BMP5: variants seen among roughly 807,000 people sequenced by gnomAD.
BMP5 encodes bone morphogenetic protein 5.
Under a neutral mutation model 46.6 loss-of-function variants are expected in BMP5, and 23 were observed. That is an observed-to-expected ratio of 0.49 (90% CI 0.35 to 0.70). The LOEUF (loss-of-function observed/expected upper bound fraction) is 0.70. Ranked by LOEUF, BMP5 falls within the 30% of genes least tolerant of loss-of-function variation. BMP5 has a pLI of 0.00. For missense variants in BMP5, 545 were observed against 565.6 expected (o/e 0.96, Z 0.37); for synonymous variants, 204 against 191.9 (o/e 1.06, Z -0.52).
At chr6:55,773,958 A>G (rs1279942444) in intron 4 of BMP5, 91 bp downstream of exon 4, 1 of 1,359,662 alleles carries the variant, frequency 7.4e-7, no homozygotes, top group Non-Finnish European at 1.1e-6. Context: ...CCGAAGGTAT[A>G]CATAGAGGGT....
intron 1 of BMP5, among the ~76,000 whole-genome samples, chr6:55,867,616 G>A (rs558616678): frequency 1.3e-5 from 2 of 152,214 alleles, no homozygotes; most frequent in South Asian, 4.2e-4. Flanking sequence ...GACCTGCGCA[G>A]TTGCACAGGG....
intron 4 of BMP5, 88 bp downstream of exon 4, chr6:55,773,961 T>C (rs1237804986): frequency 5.7e-6 from 8 of 1,402,728 alleles, no homozygotes; most frequent in African/African-American, 4.3e-5. Flanking sequence ...AAGGTATACA[T>C]AGAGGGTAAA....
intron 1 of BMP5, among the ~76,000 whole-genome samples, chr6:55,824,453 C>A (rs949467381): frequency 1.3e-5 from 2 of 151,870 alleles, no homozygotes; most frequent in Non-Finnish European, 2.9e-5. Context: ...CACAAGACTC[C>A]ATAAAAGCCC....
intron 1 of BMP5, among the ~76,000 whole-genome samples, chr6:55,820,424 T>G (rs1776379567): frequency 1.2e-5 from 1 of 86,452 alleles, no homozygotes; most frequent in Non-Finnish European, 2.7e-5. Context: ...CTTAAAAACA[T>G]TTTTTTTTTC....
intron 4 of BMP5, among the ~76,000 whole-genome samples, chr6:55,764,683 G>C (rs998063351): frequency 1.3e-5 from 2 of 148,210 alleles, no homozygotes; most frequent in Non-Finnish European, 3.0e-5. Flanking sequence ...GGCACAGAGA[G>C]ACAAATAACC....
intron 3 of BMP5, among the ~76,000 whole-genome samples, chr6:55,780,456 T>TAAAAAAA (rs369703099): frequency 0.01 from 642 of 61,804 alleles, 34 homozygotes; most frequent in African/African-American, 0.048. Flanking sequence ...CCATCACTAC[T>TAAAAAAA]AAAAAAAAAA....
intron 6 of BMP5, among the ~76,000 whole-genome samples, chr6:55,756,152 C>T (rs1256661667): frequency 6.6e-6 from 1 of 151,900 alleles, no homozygotes; most frequent in Non-Finnish European, 1.5e-5. Flanking sequence ...TAAGCCAACT[C>T]TTAATTTTCC....
At chr6:55,865,121 TA>T (rs1266852236) in intron 1 of BMP5, among the ~76,000 whole-genome samples, 2 of 152,170 alleles carry the variant, frequency 1.3e-5, no homozygotes, top group Admixed American at 6.6e-5. Flanking sequence ...GCTTAGAGTT[TA>T]AAAGTTTATA....
intron 3 of BMP5, among the ~76,000 whole-genome samples, chr6:55,776,003 A>C (rs1237652527): frequency 1.3e-5 from 2 of 151,872 alleles, no homozygotes; most frequent in African/African-American, 4.8e-5. Flanking sequence ...AAGTTGTCCA[A>C]TTCCTACAAG....
At chr6:55,874,167 TAA>T (rs1239761195) in intron 1 of BMP5, among the ~76,000 whole-genome samples, 2 of 152,022 alleles carry the variant, frequency 1.3e-5, no homozygotes, top group African/African-American at 4.8e-5. Flanking sequence ...ACCCACACTA[TAA>T]GTGTTTAAAT....
At chr6:55,804,023 C>T (rs1030568452) in intron 2 of BMP5, among the ~76,000 whole-genome samples, 8 of 152,180 alleles carry the variant, frequency 5.3e-5, no homozygotes, top group Non-Finnish European at 7.4e-5. Context: ...AGTCAAATCC[C>T]TATAATAAAT....
intron 1 of BMP5, among the ~76,000 whole-genome samples, chr6:55,827,470 A>G (rs1776560151): frequency 6.6e-6 from 1 of 151,744 alleles, no homozygotes; most frequent in Admixed American, 6.6e-5. Context: ...TTGTTTATAT[A>G]TTGGTGGAAC....
rs1000781110 is a variant in BMP5 at position 55,794,177 on chromosome 6, A to T, written c.832+102T>A. 4.7e-6 allele frequency: 6 copies of T among 1,288,646 alleles called. No individual in the cohort carries two copies. In the South Asian group the frequency reaches 6.4e-5, roughly 14 times the overall value. 79.8% of individuals were successfully genotyped at this position (1,288,646 alleles called of 1,614,324 possible). A position where few individuals can be genotyped will look rare whatever the true frequency, so the allele number is the denominator to read the frequency against. On this transcript the variant is annotated intron_variant, in intron 3 of 6. Transcript: ENST00000370830. ...CCCTATAGAATGCGTTGACTTGGAC[A>T]TCATAAATATAAAACATATATTGGT... is the stretch of plus-strand genomic sequence containing the variant.
intron 1 of BMP5, among the ~76,000 whole-genome samples, chr6:55,866,571 G>C (rs1777644515): frequency 3.3e-5 from 5 of 152,088 alleles, no homozygotes; most frequent in Admixed American, 3.3e-4. Context: ...ACAGGGATTT[G>C]AAAAATATAT....
intron 1 of BMP5, among the ~76,000 whole-genome samples, chr6:55,837,335 TTAGATAGATAGATAGATAGA>T (rs34459081): frequency 8.1e-6 from 1 of 123,962 alleles, no homozygotes; most frequent in East Asian, 2.0e-4. Context: ...TAAAACTAAT[TTAGATAGATAGATAGATAGA>T]TAGATAGATA....
intron 1 of BMP5, among the ~76,000 whole-genome samples, chr6:55,860,153 T>C (rs1271125096): frequency 6.6e-6 from 1 of 152,152 alleles, no homozygotes; most frequent in Non-Finnish European, 1.5e-5. Flanking sequence ...CATGGGCCTG[T>C]AGTCCCAGGT....
intron 3 of BMP5, among the ~76,000 whole-genome samples, chr6:55,779,379 C>T (rs1384789758): frequency 2.6e-5 from 4 of 151,978 alleles, no homozygotes; most frequent in South Asian, 2.1e-4. Flanking sequence ...TTGCAGTATC[C>T]GTTATGGACT....
At chr6:55,834,283 C>T (rs1361248409) in intron 1 of BMP5, among the ~76,000 whole-genome samples, 1 of 152,144 alleles carries the variant, frequency 6.6e-6, no homozygotes, top group Non-Finnish European at 1.5e-5. Context: ...CTAACAGAAA[C>T]TTCCTTTCCT....
chr6:55,755,794 ATCTCCCT>A, intron 6 of BMP5, 112 bp from the exon 7 acceptor site: 1 of 1,043,274 alleles, frequency 9.6e-7, no homozygotes, highest in South Asian at 1.4e-5. Flanking sequence ...CATTAAGCTG[ATCTCCCT>A]TCTCCCATTT....
Sources: gnomAD v4.1 joint callset for allele counts (sites outside exome capture counted in the v4.1 genomes callset) on GRCh38, gnomAD v4.1.1 for gene constraint, MANE v1.5 for transcripts, NCBI Gene and HGNC (gene_info 2026-07-23, HGNC 2026-07-21) for gene names.